FNTA: variants seen among roughly 807,000 people sequenced by gnomAD.
FNTA encodes farnesyltransferase, CAAX box, subunit alpha, also known as protein farnesyltransferase/geranylgeranyltransferase type-1 subunit alpha.
In FNTA, 27 loss-of-function variants were observed where a neutral mutation model predicts 55.2. That is an observed-to-expected ratio of 0.49 (90% CI 0.36 to 0.67). FNTA has a LOEUF of 0.67. Among genes scored for constraint, FNTA ranks in the 30% least tolerant of loss-of-function variants. The probability of loss-of-function intolerance (pLI) is 0.00; values close to 1 mark genes in which losing one functional copy is unlikely to be tolerated. For synonymous variants in FNTA, 176 were observed against 170.7 expected (o/e 1.03, Z -0.24); for missense variants, 422 against 464.7 (o/e 0.91, Z 0.85).
intron 3 of FNTA, among the ~76,000 whole-genome samples, chr8:43,067,801 C>T (rs1810695291): frequency 6.6e-6 from 1 of 152,124 alleles, no homozygotes; most frequent in South Asian, 2.1e-4. Context: ...CTCACTGCAA[C>T]CTCCGTCACC....
intron 7 of FNTA, among the ~76,000 whole-genome samples, chr8:43,084,208 G>A (rs1586663022): frequency 1.4e-5 from 2 of 144,432 alleles, no homozygotes; most frequent in East Asian, 2.0e-4. Flanking sequence ...TACTTAGCTT[G>A]TAATTATCCT....
chr8:43,069,571 C>T lies in FNTA; in HGVS notation c.418C>T (p.Leu140Phe). ...NYTVWHFRRV[L>F]LKSLQKDLHE... is the part of the protein sequence containing the mutation. ...TTGCCCTAGGCATTTCCGGAGAGTT[C>T]TTTTGAAGTCACTTCAGAAGGATCT... is the stretch of plus-strand genomic sequence containing the variant. The change falls in exon 4 of 9, where the codon CTT becomes TTT. Residue 140 changes from leucine (L) to phenylalanine (F), a missense_variant. Physicochemically the swap from Leu to Phe is conservative, Grantham distance 22. Around this residue, in one of 2 missense-constraint regions of FNTA, gnomAD observed 262 missense variants for 343.1 expected, o/e 0.76. Transcript: ENST00000302279. The T allele has an allele frequency of 6.2e-7, 1 of 1,612,350 alleles. No homozygotes were observed. Among genetic ancestry groups the T allele is most frequent in the Non-Finnish European group, 8.5e-7 (1 of 1,178,544 alleles).
Position 43,072,167 on chromosome 8 carries a change from T to G in FNTA, c.507-14T>G. On this transcript the variant is annotated splice_polypyrimidine_tract_variant and intron_variant, in intron 4 of 8. Transcript: ENST00000302279. ...AAATTAACAAAAAACTTCTCTCCCT[T>G]CTTTGGGCTTTAGGCATCATAGGCG... 6.7e-7 allele frequency: 1 copy of G among 1,485,458 alleles called. No individual in the cohort carries two copies. 92.0% of individuals were successfully genotyped at this position (1,485,458 alleles called of 1,614,324 possible). A position where few individuals can be genotyped will look rare whatever the true frequency, so the allele number is the denominator to read the frequency against.
At position 43,056,412 on chromosome 8, in the gene FNTA, CCCGCCCCAGCCGCACCCACCG is replaced by C. The variant is rs1810399804; in HGVS notation, c.77_97del (p.Pro26_Gln32del). 3.9e-6 allele frequency: 6 copies of C among 1,520,574 alleles called. No individual in the cohort carries two copies. Among genetic ancestry groups the C allele is most frequent in the Admixed American group, 4.2e-5 (2 of 48,058 alleles). The allele number at this position is 1,520,574 out of a possible 1,614,324, so 94.2% of individuals were successfully genotyped here. ...GCGAGCCCGGGCAGCCGGCGCAACC[CCCGCCCCAGCCGCACCCACCG>C]CCGCCCCAGCAGCAGCACAAGGAAG... On this transcript the variant is annotated inframe_deletion, in exon 1 of 9. Transcript: ENST00000302279.
Position 43,064,188 on chromosome 8 carries a change from A to C in FNTA, c.374A>C (p.Glu125Ala). 1 of 1,612,096 alleles carries C rather than the reference A, an allele frequency of 6.2e-7. No homozygotes were observed. The highest frequency in any genetic ancestry group is 8.5e-7 in the Non-Finnish European group (1 of 1,178,170). ...TTTAAGCTAACCCGGGATGCTATTG[A>C]GTTAAATGCAGCCAATTATACAGTG... ...RAFKLTRDAIELNAANYTVWH... is the reference protein window; with the variant it reads ...RAFKLTRDAIALNAANYTVWH... Residue 125 changes from glutamate (E) to alanine (A), a missense_variant, in exon 3 of 9, where the codon GAG becomes GCG. By Grantham distance (107) the Glu-to-Ala change is moderately radical. Around this residue, in one of 2 missense-constraint regions of FNTA, gnomAD observed 262 missense variants for 343.1 expected, o/e 0.76. Transcript: ENST00000302279.
chr8:43,057,760 C>CT (rs1810443743), intron 1 of FNTA, among the ~76,000 whole-genome samples: 1 of 152,134 alleles, frequency 6.6e-6, no homozygotes, highest in Non-Finnish European at 1.5e-5. Flanking sequence ...GAGTTCCAGA[C>CT]TAACCTGGCC....
chr8:43,068,784 C>A (rs1370496992), intron 3 of FNTA, among the ~76,000 whole-genome samples: 1 of 152,214 alleles, frequency 6.6e-6, no homozygotes, highest in African/African-American at 2.4e-5. Context: ...GTGATCTTGG[C>A]TCACTGCAGC....
chr8:43,077,402 A>G (rs1262385496), intron 6 of FNTA, 38 bp downstream of exon 6: 1 of 1,543,814 alleles, frequency 6.5e-7, no homozygotes, highest in South Asian at 1.2e-5. Flanking sequence ...CGTTACAAAC[A>G]TGTTTGCATG....
rs993411743 is a variant in FNTA at position 43,069,443 on chromosome 8, T to A, written c.402-112T>A. On this transcript the variant is annotated intron_variant, in intron 3 of 8. Transcript: ENST00000302279. The stretch of plus-strand genomic sequence containing the variant: ...CCTATAATTGTTAAATTATACAGAT[T>A]ACCTGCCAAAAATTTGTCTAACTGT... 8 of 687,708 alleles carry A rather than the reference T, an allele frequency of 1.2e-5. No individual in the cohort carries two copies. The Admixed American group carries it at 1.6e-4, about 14-fold the overall frequency. 42.6% of individuals were successfully genotyped at this position (687,708 alleles called of 1,614,324 possible). A position where few individuals can be genotyped will look rare whatever the true frequency, so the allele number is the denominator to read the frequency against.
At chr8:43,075,807 C>T (rs569969697) in intron 5 of FNTA, among the ~76,000 whole-genome samples, 13 of 152,130 alleles carry the variant, frequency 8.5e-5, no homozygotes, top group East Asian at 1.9e-4. Context: ...CCAAGTGAGA[C>T]GCTGTCTCAA....
chr8:43,058,642 C>T (rs1054851205), intron 1 of FNTA, among the ~76,000 whole-genome samples: 20 of 151,882 alleles, frequency 1.3e-4, no homozygotes, highest in African/African-American at 3.9e-4. Flanking sequence ...TGGTGGCGCC[C>T]GCCTGTAGTC....
chr8:43,084,190 A>G (rs79783100), intron 7 of FNTA, among the ~76,000 whole-genome samples: 1 of 149,108 alleles, frequency 6.7e-6, no homozygotes, highest in South Asian at 2.1e-4. Flanking sequence ...ATTTTTAAAA[A>G]CTTTTTCTAC....
intron 3 of FNTA, among the ~76,000 whole-genome samples, chr8:43,066,587 C>CGTGTGTGTGT (rs34748037): frequency 0.025 from 3,779 of 148,612 alleles, 65 homozygotes; most frequent in African/African-American, 0.029. Flanking sequence ...TAGCATCGTT[C>CGTGTGTGTGT]GTGTGTGTGT....
In FNTA at chr8:43,056,519, T is replaced by C. The variant is rs1426294303; in HGVS notation, c.173T>C (p.Leu58Pro). ...CCCATGGACGACGGGTTTGTGAGCC[T>C]GGACTCGCCCTCCTATGTCCTGTAC... is the stretch of plus-strand genomic sequence containing the variant. ...ASPMDDGFVS[L>P]DSPSYVLYRD... is the part of the protein sequence containing the mutation. Residue 58 changes from leucine to proline, a missense_variant, in exon 1 of 9, where the codon CTG becomes CCG. Leu to Pro is a moderately conservative substitution (Grantham distance 98). Transcript: ENST00000302279. The C allele has an allele frequency of 5.8e-6, 9 of 1,560,724 alleles. No individual in the cohort carries two copies. Among genetic ancestry groups the C allele is most frequent in the Middle Eastern group, 1.7e-4 (1 of 5,928 alleles).
intron 5 of FNTA, among the ~76,000 whole-genome samples, chr8:43,075,454 C>T (rs1479909627): frequency 6.6e-6 from 1 of 151,758 alleles, no homozygotes; most frequent in Non-Finnish European, 1.5e-5. Context: ...TATCATTTTC[C>T]TCTTTTAAAT....
intron 2 of FNTA, among the ~76,000 whole-genome samples, chr8:43,060,207 GAC>G (rs1308741424): frequency 1.3e-5 from 2 of 152,096 alleles, no homozygotes; most frequent in African/African-American, 4.8e-5. Flanking sequence ...TATATGAAGA[GAC>G]AATTCACAAA....
rs781667165 is a variant in FNTA, at chr8:43,077,362, C to T, written c.780C>T (p.Val260=). The change falls in exon 6 of 9, where the codon GTC becomes GTT. Residue 260 remains valine, a splice_region_variant and synonymous_variant. Coordinates refer to ENST00000302279, the MANE Select transcript of FNTA (RefSeq NM_002027.3). ...ATCGTGCTGTATTGGAGAGAGAAGT[C>T]CAGTTAGTAATCTCCTTCACTTGCT... is the stretch of plus-strand genomic sequence containing the variant. ...YNDRAVLERE[V]QYTLEMIKLV... 2 of 1,603,272 alleles carry T rather than the reference C, an allele frequency of 1.2e-6. No individual in the cohort carries two copies. Among genetic ancestry groups the T allele is most frequent in the Admixed American group, 3.4e-5 (2 of 58,038 alleles).
intron 6 of FNTA, chr8:43,081,721 T>G (rs1263006740): frequency 6.6e-6 from 1 of 152,200 alleles, no homozygotes; most frequent in Non-Finnish European, 1.5e-5. Context: ...TGCCACTGCA[T>G]CCAGCTAATT....
At chr8:43,074,728 G>C (rs1367022124) in intron 5 of FNTA, among the ~76,000 whole-genome samples, 2 of 152,134 alleles carry the variant, frequency 1.3e-5, no homozygotes, top group African/African-American at 4.8e-5. Context: ...TAGACGTAGA[G>C]AACAGATCAG....
Sources: allele counts gnomAD v4.1 joint callset (sites outside exome capture counted in the v4.1 genomes callset), GRCh38; gene constraint gnomAD v4.1.1; regional missense constraint gnomAD v4.1.1; transcripts MANE v1.5; gene names NCBI Gene and HGNC (gene_info 2026-07-23, HGNC 2026-07-21).